GRIK2: variants seen among roughly 807,000 people sequenced by gnomAD.
The protein encoded by GRIK2 is glutamate receptor ionotropic, kainate 2.
A neutral mutation model predicts 100.3 loss-of-function variants in GRIK2; 32 were observed. The ratio of observed to expected loss-of-function variants is 0.32; its 90% confidence interval spans 0.24 to 0.43. The LOEUF is 0.43. GRIK2 is among the 20% of genes least tolerant of loss of function. GRIK2 has a pLI of 1.00. For missense variants in GRIK2, 843 were observed against 1,114.9 expected, an observed-to-expected ratio of 0.76 and a Z score of 3.47; for synonymous variants, 417 against 389.4, an observed-to-expected ratio of 1.07 and a Z score of -0.83.
intron 7 of GRIK2, among the ~76,000 whole-genome samples, chr6:101,716,100 C>T (rs1167377212): frequency 6.6e-6 from 1 of 151,732 alleles, no homozygotes; most frequent in East Asian, 2.0e-4. Flanking sequence ...AGCTCCTGAG[C>T]GTCTATGAAT....
intron 2 of GRIK2, among the ~76,000 whole-genome samples, chr6:101,404,763 C>G (rs1056187053): frequency 3.3e-5 from 5 of 152,100 alleles, no homozygotes; most frequent in African/African-American, 1.2e-4. Context: ...AATTTGTAGT[C>G]CAGTTATCAA....
intron 14 of GRIK2, among the ~76,000 whole-genome samples, chr6:101,981,804 A>C (rs542737281): frequency 6.6e-6 from 1 of 151,762 alleles, no homozygotes; most frequent in South Asian, 2.1e-4. Flanking sequence ...AAGGAGAAGA[A>C]AGTGGAGGTA....
At chr6:101,452,674 C>G (rs1361169) in intron 2 of GRIK2, among the ~76,000 whole-genome samples, 76 of 151,772 alleles carry the variant, frequency 5.0e-4, no homozygotes, top group African/African-American at 1.8e-3. Flanking sequence ...CAAGCAAAAA[C>G]TAAATAATGC....
At chr6:101,596,277 G>T (rs70718) in intron 2 of GRIK2, among the ~76,000 whole-genome samples, 1 of 148,270 alleles carries the variant, frequency 6.7e-6, no homozygotes, top group Non-Finnish European at 1.5e-5. Context: ...ATGGTGTCAC[G>T]CAGGATTCAG....
chr6:101,416,499 C>T (rs1387869707), intron 2 of GRIK2, among the ~76,000 whole-genome samples: 1 of 152,110 alleles, frequency 6.6e-6, no homozygotes, highest in Non-Finnish European at 1.5e-5. Flanking sequence ...AGGTGTCTCA[C>T]TTGCTAATCA....
At chr6:101,946,633 C>G (rs1056958877) in intron 14 of GRIK2, among the ~76,000 whole-genome samples, 6 of 152,094 alleles carry the variant, frequency 3.9e-5, no homozygotes, top group Admixed American at 6.6e-5. Flanking sequence ...ATGACAGTGT[C>G]TTCATCGAAG....
At chr6:101,874,114 G>C (rs945857055) in intron 11 of GRIK2, among the ~76,000 whole-genome samples, 12 of 152,114 alleles carry the variant, frequency 7.9e-5, no homozygotes, top group African/African-American at 2.7e-4. Context: ...GATCCCATTT[G>C]TCAATTTTGG....
At chr6:101,402,185 C>G (rs1775348288) in intron 2 of GRIK2, among the ~76,000 whole-genome samples, 1 of 152,138 alleles carries the variant, frequency 6.6e-6, no homozygotes, top group South Asian at 2.1e-4. Flanking sequence ...TCAGCGTGCG[C>G]AACCCTCTTC....
chr6:101,518,377 T>G (rs2247210), intron 2 of GRIK2, among the ~76,000 whole-genome samples: 66,753 of 151,908 alleles, frequency 0.44, 14,853 homozygotes, highest in South Asian at 0.57. Context: ...ATTTTCTTTT[T>G]TTAAAGGTGT....
chr6:101,494,733 C>A (rs1165561783), intron 2 of GRIK2, among the ~76,000 whole-genome samples: 3 of 150,860 alleles, frequency 2.0e-5, no homozygotes, highest in Non-Finnish European at 4.4e-5. Context: ...GAGTTCGAGA[C>A]CAGCCTGGGC....
rs185497122 is a variant in GRIK2 at position 101,594,271 on chromosome 6, G to C, written c.116-27678G>C. 5.6e-3 allele frequency among the ~76,000 whole-genome samples: 856 copies of C among 151,910 alleles called. 11 individuals carry two copies. Among genetic ancestry groups the C allele is most frequent in the African/African-American group, 0.02 (822 of 41,504 alleles). On this transcript the variant is annotated intron_variant, in intron 2 of 16. Coordinates refer to ENST00000369134, the MANE Select transcript of GRIK2 (RefSeq NM_021956.5). ...TAGGAAAGTCAATGGGGTTGGAATA[G>C]ATGATCTCCGAATTTTCTTTCAGAG...
chr6:101,897,264 T>C (rs1024516620), intron 12 of GRIK2, among the ~76,000 whole-genome samples: 2 of 151,752 alleles, frequency 1.3e-5, no homozygotes, highest in East Asian at 1.9e-4. Context: ...TGGACCAGAA[T>C]AAATATTTTT....
chr6:101,907,095 G>A (rs996626063), intron 12 of GRIK2, among the ~76,000 whole-genome samples: 12 of 151,646 alleles, frequency 7.9e-5, no homozygotes, highest in African/African-American at 2.9e-4. Flanking sequence ...TTTGAAAGCA[G>A]AGGTATAAAG....
chr6:101,453,523 G>A (rs189535931), intron 2 of GRIK2, among the ~76,000 whole-genome samples: 9 of 151,998 alleles, frequency 5.9e-5, no homozygotes, highest in East Asian at 5.8e-4. Context: ...ATTTGCAGAC[G>A]TGTTACATGG....
chr6:102,008,552 A>G (rs1795361844), intron 14 of GRIK2, among the ~76,000 whole-genome samples: 1 of 152,160 alleles, frequency 6.6e-6, no homozygotes, highest in South Asian at 2.1e-4. Flanking sequence ...ATCATTAATA[A>G]TAAACTCTGG....
At chr6:101,405,910 A>G (rs1164752419) in intron 2 of GRIK2, among the ~76,000 whole-genome samples, 1 of 152,244 alleles carries the variant, frequency 6.6e-6, no homozygotes, top group Non-Finnish European at 1.5e-5. Flanking sequence ...ATTGTATACA[A>G]TTTTGAAAAA....
chr6:101,494,179 A>T (rs1163678825), intron 2 of GRIK2, among the ~76,000 whole-genome samples: 2 of 151,174 alleles, frequency 1.3e-5, no homozygotes, highest in Non-Finnish European at 3.0e-5. Flanking sequence ...ATGAATCTTG[A>T]ATTTATAAAA....
intron 2 of GRIK2, among the ~76,000 whole-genome samples, chr6:101,574,339 TAAA>T (rs947582765): frequency 4.2e-4 from 62 of 147,390 alleles, no homozygotes; most frequent in African/African-American, 1.5e-3. Flanking sequence ...ATATGATAAA[TAAA>T]AATATATAAT....
intron 2 of GRIK2, among the ~76,000 whole-genome samples, chr6:101,509,949 T>C (rs1228394507): frequency 2.0e-5 from 3 of 152,190 alleles, no homozygotes; most frequent in Non-Finnish European, 4.4e-5. Flanking sequence ...GTATTTTAAA[T>C]TTATGTAGTT....
Sources: gnomAD v4.1 joint callset for allele counts (sites outside exome capture counted in the v4.1 genomes callset) on GRCh38, gnomAD v4.1.1 for gene constraint, MANE v1.5 for transcripts, NCBI Gene and HGNC (gene_info 2026-07-23, HGNC 2026-07-21) for gene names.